GLYATL2: variants seen among roughly 807,000 people sequenced by gnomAD.
The protein encoded by GLYATL2 is glycine N-acyltransferase-like protein 2.
GLYATL2 carries 25 observed loss-of-function variants against 21.4 expected under a neutral mutation model. The observed-to-expected ratio is 1.17, with a 90% confidence interval of 0.85 to 1.63. The LOEUF is 1.63. Ranked by LOEUF, GLYATL2 falls within the 40% of genes most tolerant of loss-of-function variation. The probability of loss-of-function intolerance (pLI) is 0.00; values close to 1 mark genes in which losing one functional copy is unlikely to be tolerated. For missense variants in GLYATL2, 361 were observed against 343.3 expected (o/e 1.05, Z -0.41); for synonymous variants, 114 against 118.2 (o/e 0.96, Z 0.23).
chr11:58,885,937 A>T (rs1854431341), intron 1 of GLYATL2, among the ~76,000 whole-genome samples: 1 of 152,200 alleles, frequency 6.6e-6, no homozygotes, highest in South Asian at 2.1e-4. Context: ...TCTCAGGGCC[A>T]AGCATGGTGT....
intron 1 of GLYATL2, among the ~76,000 whole-genome samples, chr11:58,855,661 C>T (rs614365): frequency 0.89 from 135,100 of 152,286 alleles, 61,094 homozygotes; most frequent in Non-Finnish European, 0.98. Context: ...TTCCCCTTTC[C>T]AGCTCTGAAA....
In GLYATL2 at chr11:58,839,648, A is replaced by T. The variant is rs1187559293; in HGVS notation, c.-36T>A. 6.7e-7 allele frequency: 1 copy of T among 1,490,992 alleles called. No individual in the cohort carries two copies. Among genetic ancestry groups the T allele is most frequent in the South Asian group, 1.2e-5 (1 of 85,636 alleles). 92.4% of individuals were successfully genotyped at this position (1,490,992 alleles called of 1,614,324 possible). A position where few individuals can be genotyped will look rare whatever the true frequency, so the allele number is the denominator to read the frequency against. On this transcript the variant is annotated 5_prime_UTR_variant, in exon 2 of 6. Transcript: ENST00000287275. ...ACTTCAGCTTCTTTCCCTCAAGAAG[A>T]TGATCTAAGGAAATAAACACAAAAA...
chr11:58,871,173 C>T (rs1323683260), intron 1 of GLYATL2, among the ~76,000 whole-genome samples: 2 of 151,948 alleles, frequency 1.3e-5, no homozygotes, highest in Non-Finnish European at 2.9e-5. Flanking sequence ...CAACAGATGT[C>T]AAACAGGCCA....
chr11:58,847,450 G>T (rs1369115868), upstream of GLYATL2, among the ~76,000 whole-genome samples: 8 of 152,210 alleles, frequency 5.3e-5, no homozygotes, highest in Non-Finnish European at 4.4e-5. Context: ...CCTTCCCTGG[G>T]CCAGAAGGAA....
intron 1 of GLYATL2, among the ~76,000 whole-genome samples, chr11:58,841,173 T>C (rs1853544652): frequency 6.6e-6 from 1 of 152,214 alleles, no homozygotes; most frequent in Non-Finnish European, 1.5e-5. Flanking sequence ...AAGCCATTAA[T>C]ATTTTTTGCA....
At chr11:58,856,154 G>A (rs1233923787) in intron 1 of GLYATL2, among the ~76,000 whole-genome samples, 1 of 151,788 alleles carries the variant, frequency 6.6e-6, no homozygotes, top group Non-Finnish European at 1.5e-5. Flanking sequence ...AAAAGAAAAA[G>A]AAAATGGCTT....
At chr11:58,853,558 C>T (rs1853778105) in intron 1 of GLYATL2, among the ~76,000 whole-genome samples, 2 of 152,056 alleles carry the variant, frequency 1.3e-5, no homozygotes, top group Non-Finnish European at 2.9e-5. Flanking sequence ...GGCTCTGACA[C>T]CTTTTAGAAA....
chr11:58,902,618 G>A (rs955417754), intron 1 of GLYATL2, among the ~76,000 whole-genome samples: 1 of 152,100 alleles, frequency 6.6e-6, no homozygotes, highest in African/African-American at 2.4e-5. Flanking sequence ...CACCAGACCT[G>A]GCCTTAGTGC....
chr11:58,906,198 C>A (rs1232407305), upstream of GLYATL2, among the ~76,000 whole-genome samples: 1 of 152,164 alleles, frequency 6.6e-6, no homozygotes, highest in Non-Finnish European at 1.5e-5. Flanking sequence ...AGCCCAAAAC[C>A]AAGGAGGTTT....
At chr11:58,835,207 G>A (rs1204264090) in intron 5 of GLYATL2, among the ~76,000 whole-genome samples, 1 of 152,140 alleles carries the variant, frequency 6.6e-6, no homozygotes, top group Non-Finnish European at 1.5e-5. Context: ...GAAACCATGT[G>A]CATTTTGAGT....
chr11:58,896,533 C>T (rs371407440), intron 1 of GLYATL2, among the ~76,000 whole-genome samples: 3 of 152,170 alleles, frequency 2.0e-5, no homozygotes, highest in African/African-American at 7.2e-5. Flanking sequence ...ATGCTGCTTC[C>T]CTGCCATCTC....
At chr11:58,906,420 CTT>C (rs533221552), upstream of GLYATL2, among the ~76,000 whole-genome samples, 202 of 152,214 alleles carry the variant, frequency 1.3e-3, no homozygotes, top group African/African-American at 4.7e-3. Context: ...AGAGCAGAAA[CTT>C]TATTCACTGA....
At chr11:58,837,500 T>G in intron 3 of GLYATL2, 103 bp from the exon 4 acceptor site, 1 of 1,140,498 alleles carries the variant, frequency 8.8e-7, no homozygotes, top group East Asian at 2.4e-5. Flanking sequence ...AAATATTCTG[T>G]TTTTCTGAGA....
At chr11:58,873,747 C>G (rs1201013582) in intron 1 of GLYATL2, among the ~76,000 whole-genome samples, 3 of 152,052 alleles carry the variant, frequency 2.0e-5, no homozygotes, top group East Asian at 1.9e-4. Context: ...CTAAAATTCT[C>G]TTTTTTTGTT....
chr11:58,907,462 G>A (rs1854926644), upstream of GLYATL2: 1 of 400,648 alleles, frequency 2.5e-6, no homozygotes, highest in African/African-American at 2.5e-5. Flanking sequence ...ATTATTTCAT[G>A]TATTTCGCTC....
At chr11:58,899,153 G>C (rs971781147) in intron 1 of GLYATL2, among the ~76,000 whole-genome samples, 2 of 152,140 alleles carry the variant, frequency 1.3e-5, no homozygotes, top group African/African-American at 4.8e-5. Flanking sequence ...AGCGATGAGG[G>C]CTTCAGGTTG....
In GLYATL2 at chr11:58,839,539, AT is replaced by A. The variant is rs1853506370; in HGVS notation, c.73del (p.Ile25Ter). On this transcript the variant is annotated frameshift_variant, in exon 2 of 6. Coordinates refer to ENST00000287275, the MANE Select transcript of GLYATL2 (RefSeq NM_145016.4). LOFTEE classifies it high-confidence loss of function. ...GATCTCCTCCTACTCCGTTACCTTT[AT>A]GGATTCAGGGATGCTCTTTTCTAAG... ...KSLEKSIPES[I>X]KVYGAIFNIK... 1 of 1,603,532 alleles carries A rather than the reference AT, an allele frequency of 6.2e-7. No homozygotes were observed. Among genetic ancestry groups the A allele is most frequent in the Non-Finnish European group, 8.5e-7 (1 of 1,171,868 alleles).
At chr11:58,884,669 C>T (rs1854404296) in intron 1 of GLYATL2, among the ~76,000 whole-genome samples, 1 of 152,050 alleles carries the variant, frequency 6.6e-6, no homozygotes. Flanking sequence ...TTCATTCCAC[C>T]AGGGAGGAAG....
upstream of GLYATL2, among the ~76,000 whole-genome samples, chr11:58,849,147 T>G (rs1853694556): frequency 6.6e-6 from 1 of 152,158 alleles, no homozygotes; most frequent in Non-Finnish European, 1.5e-5. Context: ...GCTGAGGGAT[T>G]TCATCAATAT....
Sources: allele counts gnomAD v4.1 joint callset (sites outside exome capture counted in the v4.1 genomes callset), GRCh38; gene constraint gnomAD v4.1.1; transcripts MANE v1.5; gene names NCBI Gene and HGNC (gene_info 2026-07-23, HGNC 2026-07-21).